The following NCBP1 variants were observed in gnomAD, a reference collection of about 807,000 sequenced individuals.
The protein encoded by NCBP1 is nuclear cap binding protein subunit 1, also known as nuclear cap-binding protein subunit 1.
NCBP1 carries 16 observed loss-of-function variants against 111.7 expected under a neutral mutation model. That is an observed-to-expected ratio of 0.14 (90% CI 0.10 to 0.22). The LOEUF (loss-of-function observed/expected upper bound fraction) is 0.22. Among genes scored for constraint, NCBP1 ranks in the 10% least tolerant of loss-of-function variants. NCBP1 has a pLI of 1.00. For synonymous variants in NCBP1, 304 were observed against 314.3 expected, an observed-to-expected ratio of 0.97 and a Z score of 0.35; for missense variants, 607 against 957.5, an observed-to-expected ratio of 0.63 and a Z score of 4.83.
intron 1 of NCBP1, among the ~76,000 whole-genome samples, chr9:97,636,670 A>G (rs972228056): frequency 2.1e-5 from 3 of 139,552 alleles, no homozygotes; most frequent in African/African-American, 8.1e-5. Context: ...ATATATATAT[A>G]TATAAAATCA....
At chr9:97,646,282 CAT>C (rs761149999) in intron 6 of NCBP1, among the ~76,000 whole-genome samples, 5 of 152,300 alleles carry the variant, frequency 3.3e-5, no homozygotes, top group East Asian at 1.9e-4. Context: ...AAAATAGTCA[CAT>C]GTCTTCCCAT....
chr9:97,641,948 A>C (rs1827218340), intron 3 of NCBP1, among the ~76,000 whole-genome samples: 1 of 152,134 alleles, frequency 6.6e-6, no homozygotes, highest in East Asian at 1.9e-4. Context: ...TATATTTTTA[A>C]GCATGTACAT....
Position 97,650,428 on chromosome 9 carries a change from C to G in NCBP1, c.898-75C>G, listed in dbSNP as rs145933758. 7.1e-5 allele frequency: 80 copies of G among 1,127,606 alleles called. 1 individual carries two copies. The African/African-American group carries it at 9.0e-4, about 13-fold the overall frequency. 69.9% of individuals were successfully genotyped at this position (1,127,606 alleles called of 1,614,324 possible). ...TTTAGTGCTTGGAACATAATAGTCT[C>G]TCAAATATTTGTTGAATAAGTAAAA... On this transcript the variant is annotated intron_variant, in intron 8 of 22. Coordinates refer to ENST00000375147, the MANE Select transcript of NCBP1 (RefSeq NM_002486.5).
chr9:97,660,289 A>G (rs760299953), intron 15 of NCBP1, among the ~76,000 whole-genome samples: 3 of 152,190 alleles, frequency 2.0e-5, no homozygotes, highest in Non-Finnish European at 4.4e-5. Context: ...TCTACCTTAC[A>G]TTAAAAGCAG....
At chr9:97,640,593 A>T (rs1827180235) in intron 1 of NCBP1, among the ~76,000 whole-genome samples, 3 of 152,040 alleles carry the variant, frequency 2.0e-5, no homozygotes, top group Admixed American at 2.0e-4. Flanking sequence ...TGCCTCCTGG[A>T]GTTATTGTAT....
At chr9:97,645,304 A>G (rs1389683270) in intron 5 of NCBP1, 80 bp downstream of exon 5, 1 of 1,113,418 alleles carries the variant, frequency 9.0e-7, no homozygotes, top group African/African-American at 1.6e-5. Flanking sequence ...AGTACCAGGA[A>G]TTTTTCGCTG....
chr9:97,648,927 C>T (rs946881816), intron 8 of NCBP1, among the ~76,000 whole-genome samples: 2 of 152,088 alleles, frequency 1.3e-5, no homozygotes, highest in Non-Finnish European at 2.9e-5. Context: ...GTCTCAAACT[C>T]CTGGGCTCAA....
At chr9:97,633,984 T>A in intron 1 of NCBP1, 69 bp downstream of exon 1, 1 of 1,473,736 alleles carries the variant, frequency 6.8e-7, no homozygotes, top group Non-Finnish European at 9.0e-7. Flanking sequence ...TCTTTGGGTG[T>A]CCACGGAAGA....
chr9:97,642,465 A>T (rs1309495945), intron 3 of NCBP1, among the ~76,000 whole-genome samples: 1 of 152,090 alleles, frequency 6.6e-6, no homozygotes, highest in East Asian at 1.9e-4. Context: ...TGCCCACTTA[A>T]TGATTATGAA....
chr9:97,642,508 T>G (rs1044953615), intron 3 of NCBP1, among the ~76,000 whole-genome samples: 4 of 152,112 alleles, frequency 2.6e-5, no homozygotes, highest in Non-Finnish European at 5.9e-5. Flanking sequence ...TTCTAAAGGC[T>G]GCCTAAATTA....
chr9:97,640,474 T>TA (rs1827175555), intron 1 of NCBP1, among the ~76,000 whole-genome samples: 1 of 152,170 alleles, frequency 6.6e-6, no homozygotes, highest in African/African-American at 2.4e-5. Flanking sequence ...TTCTAACTAC[T>TA]AGTGTTTAAC....
chr9:97,669,059 A>C, intron 21 of NCBP1, 85 bp downstream of exon 21: 1 of 1,396,714 alleles, frequency 7.2e-7, no homozygotes, highest in South Asian at 1.4e-5. Context: ...TTTTCATTGT[A>C]AAAGGAATAC....
intron 11 of NCBP1, 94 bp from the exon 12 acceptor site, chr9:97,654,786 T>A: frequency 9.1e-7 from 1 of 1,101,608 alleles, no homozygotes; most frequent in Non-Finnish European, 1.4e-6. Context: ...TATTAATCAT[T>A]ATAAAGACTT....
intron 12 of NCBP1, among the ~76,000 whole-genome samples, chr9:97,655,482 A>AT (rs1402623442): frequency 2.0e-5 from 3 of 152,194 alleles, no homozygotes; most frequent in African/African-American, 7.2e-5. Context: ...AATAATAAAC[A>AT]TGTTAGGTGC....
In NCBP1 at chr9:97,669,678, T is replaced by C. The variant is rs778725072; in HGVS notation, c.2231T>C (p.Ile744Thr). 8.1e-6 allele frequency: 13 copies of C among 1,607,784 alleles called. No homozygotes were observed. Among genetic ancestry groups the C allele is most frequent in the Admixed American group, 6.7e-5 (4 of 59,970 alleles). The change falls in exon 22 of 23, where the codon ATA becomes ACA. Residue 744 changes from isoleucine to threonine, a missense_variant. Physicochemically the swap from Ile to Thr is moderately conservative, Grantham distance 89. Transcript: ENST00000375147. Reference protein sequence around the residue: ...SVLTPWYKNCIERLQQIFLQH... With the variant: ...SVLTPWYKNCTERLQQIFLQH... The stretch of plus-strand genomic sequence containing the variant: ...TTAACACCATGGTATAAGAACTGTA[T>C]AGAGAGGCTGCAGCAGATCTTCCTA...
chr9:97,639,492 A>C (rs1405655432), intron 1 of NCBP1, among the ~76,000 whole-genome samples: 1 of 152,182 alleles, frequency 6.6e-6, no homozygotes, highest in East Asian at 1.9e-4. Flanking sequence ...ACTTTGTAAC[A>C]ATAATTCCTT....
chr9:97,633,932 C>T lies in NCBP1; in HGVS notation c.34+17C>T. On this transcript the variant is annotated intron_variant, in intron 1 of 22. Coordinates refer to ENST00000375147, the MANE Select transcript of NCBP1 (RefSeq NM_002486.5). ...AGAACGACGGTGAGTGCCTGCGGCC[C>T]GGCCACGGAGGCCGCTCCCGGTTGG... The T allele has an allele frequency of 1.9e-6, 3 of 1,579,446 alleles. No individual in the cohort carries two copies. Among genetic ancestry groups the T allele is most frequent in the Non-Finnish European group, 2.6e-6 (3 of 1,169,348 alleles).
At position 97,654,018 on chromosome 9, in the gene NCBP1, A is replaced by G. The variant is rs16923056; in HGVS notation, c.1170+110A>G. ...TTGTAGGTAAAAAATGTGGCTTTTG[A>G]AGTGTGTTGTGTGTGTGTATTACAT... is the stretch of plus-strand genomic sequence containing the variant. On this transcript the variant is annotated intron_variant, in intron 11 of 22. Coordinates refer to ENST00000375147, the MANE Select transcript of NCBP1 (RefSeq NM_002486.5). 4,271 of 870,746 alleles carry G rather than the reference A, an allele frequency of 4.9e-3. 148 individuals are homozygous for G. In the African/African-American group the frequency reaches 0.064, roughly 13 times the overall value. The allele number at this position is 870,746 out of a possible 1,614,324, so 53.9% of individuals were successfully genotyped here. A position where few individuals can be genotyped will look rare whatever the true frequency, so the allele number is the denominator to read the frequency against.
intron 10 of NCBP1, 96 bp downstream of exon 10, chr9:97,651,469 T>C: frequency 9.0e-7 from 1 of 1,110,122 alleles, no homozygotes; most frequent in South Asian, 1.7e-5. Flanking sequence ...TATTTATTTA[T>C]TTATTGCTAC....
Sources: gnomAD v4.1 joint callset for allele counts (sites outside exome capture counted in the v4.1 genomes callset) on GRCh38, gnomAD v4.1.1 for gene constraint, MANE v1.5 for transcripts, NCBI Gene and HGNC (gene_info 2026-07-23, HGNC 2026-07-21) for gene names.